KDM1A: variants seen among roughly 807,000 people sequenced by gnomAD.
KDM1A encodes lysine-specific histone demethylase 1A.
A neutral mutation model predicts 109.4 loss-of-function variants in KDM1A; 49 were observed. The ratio of observed to expected loss-of-function variants is 0.45; its 90% CI spans 0.36 to 0.57. KDM1A has a LOEUF of 0.57. Among genes scored for constraint, KDM1A ranks in the 20% least tolerant of loss-of-function variants. KDM1A has a pLI of 0.00. For missense variants in KDM1A, 668 were observed against 1,116.6 expected (o/e 0.60, Z 5.73); for synonymous variants, 380 against 415.4 (o/e 0.91, Z 1.04).
chr1:23,032,043 C>T (rs1036841123), intron 2 of KDM1A, among the ~76,000 whole-genome samples: 1 of 152,128 alleles, frequency 6.6e-6, no homozygotes, highest in African/African-American at 2.4e-5. Context: ...CCAACCTTTC[C>T]CTTCACCCTG....
chr1:23,081,206 C>A, intron 18 of KDM1A: 1 of 460,394 alleles, frequency 2.2e-6, no homozygotes, highest in Non-Finnish European at 3.9e-6. Flanking sequence ...AGGTTAGAAG[C>A]AGTGAGGTGC....
intron 3 of KDM1A, among the ~76,000 whole-genome samples, chr1:23,045,791 G>GAATTTTA (rs761740030): frequency 5.7e-4 from 87 of 152,212 alleles, no homozygotes; most frequent in Admixed American, 1.1e-3. Flanking sequence ...AGTAGAACAT[G>GAATTTTA]AATTTTAAGT....
chr1:23,077,889 T>G (rs1643511309), intron 16 of KDM1A, among the ~76,000 whole-genome samples: 1 of 152,234 alleles, frequency 6.6e-6, no homozygotes, highest in Non-Finnish European at 1.5e-5. Flanking sequence ...TCTGGAGCAG[T>G]CCTGCTAATA....
intron 2 of KDM1A, among the ~76,000 whole-genome samples, chr1:23,042,440 A>ATTATTATTATTTT (rs1553127465): frequency 1.3e-3 from 27 of 21,560 alleles, no homozygotes; most frequent in African/African-American, 2.0e-3. Context: ...GAAATATATT[A>ATTATTATTATTTT]TTTTTTTTTT....
At chr1:23,052,800 A>G (rs1229808716) in intron 4 of KDM1A, among the ~76,000 whole-genome samples, 1 of 152,092 alleles carries the variant, frequency 6.6e-6, no homozygotes, top group Non-Finnish European at 1.5e-5. Flanking sequence ...ATCCTTAACA[A>G]TTGGCCATTA....
intron 3 of KDM1A, 139 bp downstream of exon 3, chr1:23,044,625 A>G (rs1391040365): frequency 7.5e-6 from 5 of 669,116 alleles, no homozygotes; most frequent in South Asian, 4.0e-5. Flanking sequence ...ACATAATAGT[A>G]TAGTAGGAGA....
At chr1:23,076,543 T>C (rs1643470261) in intron 15 of KDM1A, among the ~76,000 whole-genome samples, 1 of 152,186 alleles carries the variant, frequency 6.6e-6, no homozygotes, top group Admixed American at 6.5e-5. Context: ...TGTAATGTAT[T>C]CAAAAGCCAG....
chr1:23,064,938 T>C (rs912384770), intron 9 of KDM1A, among the ~76,000 whole-genome samples: 9 of 152,234 alleles, frequency 5.9e-5, no homozygotes, highest in Non-Finnish European at 1.3e-4. Flanking sequence ...CCATTTTGTT[T>C]GCTTCTTAGA....
At chr1:23,043,855 CTTA>C (rs1345706997) in intron 2 of KDM1A, among the ~76,000 whole-genome samples, 2 of 152,156 alleles carry the variant, frequency 1.3e-5, no homozygotes, top group African/African-American at 4.8e-5. Flanking sequence ...CACACAGTGT[CTTA>C]TTGTGTGTTC....
At chr1:23,060,640 G>GGA (rs1357588608) in intron 9 of KDM1A, among the ~76,000 whole-genome samples, 1 of 151,996 alleles carries the variant, frequency 6.6e-6, no homozygotes, top group Non-Finnish European at 1.5e-5. Context: ...TTTATGGAAG[G>GGA]GAAAAGCATT....
intron 15 of KDM1A, among the ~76,000 whole-genome samples, chr1:23,073,990 A>C (rs971379578): frequency 1.3e-5 from 2 of 152,218 alleles, no homozygotes; most frequent in Non-Finnish European, 2.9e-5. Context: ...GTAAATATTT[A>C]TGAATGGAAT....
chr1:23,030,050 T>G (rs1391722073), intron 1 of KDM1A, among the ~76,000 whole-genome samples: 8 of 152,252 alleles, frequency 5.3e-5, no homozygotes, highest in African/African-American at 1.9e-4. Flanking sequence ...TTTGCTATTT[T>G]CCCCTGGAGT....
In KDM1A at chr1:23,019,827, G is replaced by C; in HGVS notation, c.231G>C (p.Pro77=). ...RASPPGGLAE[P]PGSAGPQAGP... is the part of the protein sequence containing the mutation. ...CGCCCCCCGGGGGCCTGGCGGAACCGCCGGGGTCCGCAGGGCCTCAGGCCG... is the reference window on the plus strand; with the variant it reads ...CGCCCCCCGGGGGCCTGGCGGAACCCCCGGGGTCCGCAGGGCCTCAGGCCG... Residue 77 remains proline (P), a synonymous_variant, in exon 1 of 21, where the codon CCG becomes CCC. Transcript: ENST00000400181. 1 of 1,432,826 alleles carries C rather than the reference G, an allele frequency of 7.0e-7. No homozygotes were observed. Among genetic ancestry groups the C allele is most frequent in the Non-Finnish European group, 9.1e-7 (1 of 1,095,026 alleles). The allele number at this position is 1,432,826 out of a possible 1,614,324, so 88.8% of individuals were successfully genotyped here.
intron 3 of KDM1A, among the ~76,000 whole-genome samples, chr1:23,045,915 G>GT (rs1232417887): frequency 6.6e-6 from 1 of 152,158 alleles, no homozygotes; most frequent in African/African-American, 2.4e-5. Flanking sequence ...AAATGTGCTT[G>GT]TAAGAGATCA....
At chr1:23,036,949 G>C (rs902569419) in intron 2 of KDM1A, among the ~76,000 whole-genome samples, 6 of 151,988 alleles carry the variant, frequency 3.9e-5, no homozygotes, top group South Asian at 2.1e-4. Context: ...GGATTCTAAG[G>C]GTTCAAAGAG....
chr1:23,081,531 G>C lies in KDM1A; in HGVS notation c.2256G>C (p.Leu752=). 1 of 1,614,182 alleles carries C rather than the reference G, an allele frequency of 6.2e-7. No homozygotes were observed. Among genetic ancestry groups the C allele is most frequent in the East Asian group, 2.2e-5 (1 of 44,882 alleles). ...ACGATGTGATTGTTGGCCGATGCCT[G>C]GCCATTCTCAAAGGGATTTTTGGTA... ...ISDDVIVGRC[L]AILKGIFGSS... Residue 752 remains leucine (L), a synonymous_variant, in exon 19 of 21, where the codon CTG becomes CTC. Coordinates refer to ENST00000400181, the MANE Select transcript of KDM1A (RefSeq NM_001009999.3).
intron 9 of KDM1A, among the ~76,000 whole-genome samples, chr1:23,063,813 A>G (rs1022561223): frequency 6.6e-6 from 1 of 152,180 alleles, no homozygotes; most frequent in South Asian, 2.1e-4. Flanking sequence ...CACTCTAATC[A>G]CTGCTTTAAG....
At chr1:23,037,105 C>G (rs1331959162) in intron 2 of KDM1A, among the ~76,000 whole-genome samples, 1 of 149,250 alleles carries the variant, frequency 6.7e-6, no homozygotes, top group African/African-American at 2.5e-5. Flanking sequence ...GGTGAAACCC[C>G]ATCTCCACTA....
At chr1:23,078,404 T>A (rs971230434) in intron 16 of KDM1A, among the ~76,000 whole-genome samples, 1 of 152,180 alleles carries the variant, frequency 6.6e-6, no homozygotes, top group Non-Finnish European at 1.5e-5. Flanking sequence ...AAACAGACAT[T>A]CATTAAAAAA....
Sources: gnomAD v4.1 joint callset for allele counts (sites outside exome capture counted in the v4.1 genomes callset) on GRCh38, gnomAD v4.1.1 for gene constraint, MANE v1.5 for transcripts, NCBI Gene and HGNC (gene_info 2026-07-23, HGNC 2026-07-21) for gene names.